The following FBXO31 variants were observed in gnomAD, a reference collection of about 807,000 sequenced individuals.
FBXO31 encodes the protein F-box only protein 31.
Under a neutral mutation model 54.4 loss-of-function variants are expected in FBXO31, and 24 were observed. That is an observed-to-expected ratio of 0.44 (90% CI 0.32 to 0.62). FBXO31 has a LOEUF of 0.62. Among genes scored for constraint, FBXO31 ranks in the 20% least tolerant of loss-of-function variants. The pLI, the probability that FBXO31 is intolerant of heterozygous loss-of-function variation, is 0.05. For missense variants in FBXO31, 665 were observed against 787.1 expected (o/e 0.84, Z 1.86); for synonymous variants, 388 against 335.6 (o/e 1.16, Z -1.71).
chr16:87,388,946 T>G (rs1220094116), intron 1 of FBXO31, among the ~76,000 whole-genome samples: 1 of 152,222 alleles, frequency 6.6e-6, no homozygotes, highest in Non-Finnish European at 1.5e-5. Flanking sequence ...ACACTATGCT[T>G]ATATTAACTA....
intron 1 of FBXO31, among the ~76,000 whole-genome samples, chr16:87,363,952 G>A (rs1906245978): frequency 6.6e-6 from 1 of 152,180 alleles, no homozygotes; most frequent in Non-Finnish European, 1.5e-5. Flanking sequence ...ATATTCACCA[G>A]CAAATGTTTA....
Position 87,346,395 on chromosome 16 carries a change from T to C in FBXO31, c.489+779A>G, listed in dbSNP as rs1172764861. Among the ~76,000 whole-genome samples, 2 of 152,136 alleles carry C rather than the reference T, an allele frequency of 1.3e-5. No homozygotes were observed. The highest frequency in any genetic ancestry group is 2.9e-5 in the Non-Finnish European group (2 of 68,028). On this transcript the variant is annotated intron_variant, in intron 3 of 8. Transcript: ENST00000311635. The surrounding 1 kb of genome is among the most constrained non-coding windows in gnomAD (Gnocchi z 4.2). ...TAGACTCGAAAGAAACTTTCACTAC[T>C]GTACCCAAAAAGATTAACAAAGAGA...
rs770189248 is a variant in FBXO31 at position 87,336,822 on chromosome 16, C to G, written c.733-558G>C. On this transcript the variant is annotated intron_variant, in intron 5 of 8. Coordinates refer to ENST00000311635, the MANE Select transcript of FBXO31 (RefSeq NM_024735.5). This position sits in a 1 kb window ranked among gnomAD's most constrained non-coding sequence, Gnocchi z 6.5. ...ATGTTAAGGCGGTTCCCAAAAACTC[C>G]GCAGCCCCACCAGTCCGCCCTGCAT... 6.6e-6 allele frequency among the ~76,000 whole-genome samples: 1 copy of G among 152,160 alleles called. No homozygotes were observed. Among genetic ancestry groups the G allele is most frequent in the African/African-American group, 2.4e-5 (1 of 41,434 alleles).
At position 87,343,703 on chromosome 16, in the gene FBXO31, G is replaced by A. The variant is rs886608685; in HGVS notation, c.552C>T (p.Asp184=). The A allele has an allele frequency of 1.2e-6, 2 of 1,614,278 alleles. No homozygotes were observed. Among genetic ancestry groups the A allele is most frequent in the Non-Finnish European group, 8.5e-7 (1 of 1,180,054 alleles). Residue 184 remains aspartate (D), a synonymous_variant, in exon 4 of 9, where the codon GAC becomes GAT. Coordinates refer to ENST00000311635, the MANE Select transcript of FBXO31 (RefSeq NM_024735.5). Reference sequence around the variant, plus strand: ...TGAACAGAGGCTTGAATCTCATAGGGTCATCGACGTGGGGGTCATGGGGAG... The same window carrying A: ...TGAACAGAGGCTTGAATCTCATAGGATCATCGACGTGGGGGTCATGGGGAG... ...YLPPHDPHVD[D]PMRFKPLFRI...
At position 87,331,553 on chromosome 16, in the gene FBXO31, G is replaced by A. The variant is rs760985818; in HGVS notation, c.1398-43C>T. 4.7e-6 allele frequency: 7 copies of A among 1,501,714 alleles called. No individual in the cohort carries two copies. The Admixed American group carries it at 9.3e-5, about 20-fold the overall frequency. The allele number at this position is 1,501,714 out of a possible 1,614,324, so 93.0% of individuals were successfully genotyped here. ...GGAAACTGTGAGCTGGGGGAGGGCT[G>A]AGTCAAATGCACGCCACGTACAGCA... On this transcript the variant is annotated intron_variant, in intron 8 of 8. Transcript: ENST00000311635.
chr16:87,343,871 A>C, intron 3 of FBXO31, 106 bp from the exon 4 acceptor site: 1 of 1,255,806 alleles, frequency 8.0e-7, no homozygotes, highest in East Asian at 2.4e-5. Flanking sequence ...CTCCTGCCAG[A>C]CCAGCACATG....
chr16:87,373,463 T>TTA (rs1318104747), intron 1 of FBXO31, among the ~76,000 whole-genome samples: 1 of 151,822 alleles, frequency 6.6e-6, no homozygotes, highest in African/African-American at 2.4e-5. Flanking sequence ...AAAAAAATAA[T>TTA]TATATATATA....
chr16:87,360,116 G>GT (rs1369736634), intron 2 of FBXO31, among the ~76,000 whole-genome samples, 179 bp downstream of exon 2: 3 of 152,202 alleles, frequency 2.0e-5, no homozygotes, highest in African/African-American at 4.8e-5. Flanking sequence ...GGAGAATACG[G>GT]TGTCCCCTCC....
intron 2 of FBXO31, among the ~76,000 whole-genome samples, chr16:87,356,274 C>A (rs1297236650): frequency 6.6e-6 from 1 of 151,730 alleles, no homozygotes; most frequent in Non-Finnish European, 1.5e-5. Context: ...AAAGCCAGCA[C>A]ATTCCTGTCA....
intron 2 of FBXO31, among the ~76,000 whole-genome samples, chr16:87,357,449 C>T (rs556730251): frequency 8.6e-5 from 13 of 151,604 alleles, no homozygotes; most frequent in Admixed American, 6.6e-4. Flanking sequence ...CCCACCTCAG[C>T]CTCTGGGTAC....
intron 2 of FBXO31, among the ~76,000 whole-genome samples, chr16:87,348,179 T>C (rs1268847325): frequency 6.6e-6 from 1 of 151,956 alleles, no homozygotes; most frequent in Non-Finnish European, 1.5e-5. Flanking sequence ...CTGGCCAGGC[T>C]CTAGGCCCTC....
At chr16:87,377,247 C>G (rs1219391206) in intron 1 of FBXO31, among the ~76,000 whole-genome samples, 1 of 152,176 alleles carries the variant, frequency 6.6e-6, no homozygotes, top group African/African-American at 2.4e-5. Context: ...GAGTTCCAGA[C>G]CAGCCTGGGC....
intron 8 of FBXO31, among the ~76,000 whole-genome samples, chr16:87,333,218 G>T (rs1052814484): frequency 2.8e-4 from 42 of 152,214 alleles, no homozygotes; most frequent in African/African-American, 9.7e-4. Flanking sequence ...GCTGGCAGCT[G>T]TGCAAGCCTC....
At chr16:87,378,086 G>A (rs574544818) in intron 1 of FBXO31, among the ~76,000 whole-genome samples, 1 of 151,512 alleles carries the variant, frequency 6.6e-6, no homozygotes, top group Non-Finnish European at 1.5e-5. Flanking sequence ...TTGAACCCGG[G>A]AGGCAGAGGT....
chr16:87,339,110 C>T (rs1177228596), intron 5 of FBXO31, among the ~76,000 whole-genome samples: 2 of 152,188 alleles, frequency 1.3e-5, no homozygotes, highest in Non-Finnish European at 2.9e-5. Flanking sequence ...TTATAAATTA[C>T]CCAGTCTTGG....
chr16:87,386,719 C>A (rs1206623646), upstream of FBXO31, among the ~76,000 whole-genome samples: 3 of 152,354 alleles, frequency 2.0e-5, no homozygotes, highest in East Asian at 5.8e-4. Context: ...CAGGCACGAG[C>A]CACTGCACCC....
intron 4 of FBXO31, 83 bp from the exon 5 acceptor site, chr16:87,343,034 G>C: frequency 8.3e-7 from 1 of 1,208,010 alleles, no homozygotes. Context: ...AGGTGGCCAC[G>C]ACCCCTCCCT....
At position 87,383,224 on chromosome 16, in the gene FBXO31, C is replaced by T. The variant is rs1175325980; in HGVS notation, c.340+181G>A. Among the ~76,000 whole-genome samples, 2 of 152,052 alleles carry T rather than the reference C, an allele frequency of 1.3e-5. No individual in the cohort carries two copies. The highest frequency in any genetic ancestry group is 2.4e-5 in the African/African-American group (1 of 41,406). ...TAACCGCCTCAAATACCTCCCTGGC[C>T]CCCTCAACGTGGTGTCACCGCGGCC... is the stretch of plus-strand genomic sequence containing the variant. On this transcript the variant is annotated intron_variant, in intron 1 of 8. Transcript: ENST00000311635. This position sits in a 1 kb window ranked among gnomAD's most constrained non-coding sequence, Gnocchi z 4.9.
Position 87,383,318 on chromosome 16 carries a change from C to A in FBXO31, c.340+87G>T. ...CCCAACTGGTGGCCCCCGGCCGGGG[C>A]CACCGCCCCCGCCACTCCCAGCTCC... On this transcript the variant is annotated intron_variant, in intron 1 of 8. Transcript: ENST00000311635. The surrounding 1 kb of genome is among the most constrained non-coding windows in gnomAD (Gnocchi z 4.9). 1 of 1,258,022 alleles carries A rather than the reference C, an allele frequency of 7.9e-7. No individual in the cohort carries two copies. 77.9% of individuals were successfully genotyped at this position (1,258,022 alleles called of 1,614,324 possible). A position where few individuals can be genotyped will look rare whatever the true frequency, so the allele number is the denominator to read the frequency against.
Sources: gnomAD v4.1 joint callset for allele counts (sites outside exome capture counted in the v4.1 genomes callset) on GRCh38, gnomAD v4.1.1 for gene constraint, Gnocchi (gnomAD v3.1) non-coding constraint, MANE v1.5 for transcripts, NCBI Gene and HGNC (gene_info 2026-07-23, HGNC 2026-07-21) for gene names.